The following USP3 variants were observed in gnomAD, a reference collection of about 807,000 sequenced individuals.
USP3 encodes the protein ubiquitin carboxyl-terminal hydrolase 3.
In USP3, 20 loss-of-function variants were observed where a neutral mutation model predicts 72.3. The observed-to-expected ratio is 0.28, with a 90% CI of 0.19 to 0.40. The LOEUF (loss-of-function observed/expected upper bound fraction) is 0.40, where lower values mean the gene tolerates loss of function less well. Ranked by LOEUF, USP3 falls within the 10% of genes least tolerant of loss-of-function variation. The pLI, the probability that USP3 is intolerant of heterozygous loss-of-function variation, is 1.00. For synonymous variants in USP3, 222 were observed against 225.3 expected (o/e 0.99, Z 0.13); for missense variants, 479 against 633.9 (o/e 0.76, Z 2.62).
intron 2 of USP3, 68 bp downstream of exon 2, chr15:63,532,775 A>G (rs1227922523): frequency 6.5e-7 from 1 of 1,529,206 alleles, no homozygotes; most frequent in Admixed American, 1.7e-5. Context: ...GCTTTATGTC[A>G]GAGTTTTATT....
At chr15:63,533,118 G>T (rs567593255) in intron 2 of USP3, among the ~76,000 whole-genome samples, 2 of 148,282 alleles carry the variant, frequency 1.3e-5, no homozygotes, top group Admixed American at 6.6e-5. Flanking sequence ...ATCAACACAT[G>T]GCAATCTTTT....
intron 1 of USP3, among the ~76,000 whole-genome samples, chr15:63,519,976 G>C (rs1446664571): frequency 1.3e-5 from 2 of 152,058 alleles, no homozygotes; most frequent in African/African-American, 4.8e-5. Flanking sequence ...GTCATTCTTT[G>C]AGCCCTTTTT....
Position 63,588,963 on chromosome 15 carries a change from A to G in USP3, c.1349A>G (p.Glu450Gly), listed in dbSNP as rs370216924. The change falls in exon 14 of 15, where the codon GAG becomes GGG. Residue 450 changes from glutamate to glycine, a missense_variant. Coordinates refer to ENST00000380324, the MANE Select transcript of USP3 (RefSeq NM_006537.4). The surrounding 1 kb of genome is among the most constrained non-coding windows in gnomAD (Gnocchi z 4.6). ...YLLEPENSGPESCLYDLAAVV... is the reference protein window; with the variant it reads ...YLLEPENSGPGSCLYDLAAVV... ...CTGTAGCCTGAGAACAGTGGCCCGG[A>G]GAGCTGCCTGTATGACCTCGCCGCT... The G allele has an allele frequency of 1.9e-5, 30 of 1,613,958 alleles. No homozygotes were observed. In the African/African-American group the frequency reaches 3.7e-4, roughly 20 times the overall value.
At chr15:63,535,292 C>A (rs894513076) in intron 2 of USP3, among the ~76,000 whole-genome samples, 2 of 152,188 alleles carry the variant, frequency 1.3e-5, no homozygotes, top group Non-Finnish European at 2.9e-5. Flanking sequence ...GAAATATGTG[C>A]TAAATGTGCC....
In USP3 at chr15:63,594,591, CT is replaced by C. The variant is rs952837762; in HGVS notation, c.*3766del. 2.0e-5 allele frequency: 3 copies of C among 152,220 alleles called. No homozygotes were observed. The highest frequency in any genetic ancestry group is 2.0e-4 in the Admixed American group (3 of 15,286). 9.4% of individuals were successfully genotyped at this position (152,220 alleles called of 1,614,324 possible). A position where few individuals can be genotyped will look rare whatever the true frequency, so the allele number is the denominator to read the frequency against. ...CACATCCCTTTTCTGCTTCACCAAC[CT>C]GAACTGTTTTTAAAAATATCATTAA... On this transcript the variant is annotated 3_prime_UTR_variant, in exon 15 of 15. Coordinates refer to ENST00000380324, the MANE Select transcript of USP3 (RefSeq NM_006537.4).
chr15:63,523,148 G>A (rs2065940347), intron 1 of USP3, among the ~76,000 whole-genome samples: 1 of 152,148 alleles, frequency 6.6e-6, no homozygotes, highest in Non-Finnish European at 1.5e-5. Flanking sequence ...TGAGTATTTG[G>A]TGTTTTGAAT....
In USP3 at chr15:63,570,401, C is replaced by T. The variant is rs201112560; in HGVS notation, c.762-32C>T. 3.1e-6 allele frequency: 5 copies of T among 1,612,546 alleles called. No homozygotes were observed. The highest frequency in any genetic ancestry group is 2.2e-5 in the East Asian group (1 of 44,828). Reference sequence around the variant, plus strand: ...GGCTGGGCACAAAGAGCCCTCCACCCGGCCTTATAAGTGACTGTTTGTTTG... The same window carrying T: ...GGCTGGGCACAAAGAGCCCTCCACCTGGCCTTATAAGTGACTGTTTGTTTG... On this transcript the variant is annotated intron_variant, in intron 8 of 14. Transcript: ENST00000380324. The surrounding 1 kb of genome is among the most constrained non-coding windows in gnomAD (Gnocchi z 4.4).
intron 1 of USP3, among the ~76,000 whole-genome samples, chr15:63,511,266 T>TAAAAAA (rs61283920): frequency 0.054 from 2,325 of 42,836 alleles, 191 homozygotes; most frequent in African/African-American, 0.14. Context: ...TGCTTTTTCT[T>TAAAAAA]AAAAAAAAAA....
At chr15:63,586,209 TTA>T (rs2067058249) in intron 11 of USP3, among the ~76,000 whole-genome samples, 1 of 152,196 alleles carries the variant, frequency 6.6e-6, no homozygotes, top group African/African-American at 2.4e-5. Context: ...ACTTCCAATA[TTA>T]TGTTGAACAG....
intron 3 of USP3, 149 bp downstream of exon 3, chr15:63,537,305 A>G: frequency 4.3e-6 from 4 of 929,680 alleles, no homozygotes; most frequent in Non-Finnish European, 6.0e-6. Flanking sequence ...GCCATTGGGA[A>G]CGCCTATCTT....
chr15:63,537,231 C>G, intron 3 of USP3, 75 bp downstream of exon 3: 1 of 1,500,222 alleles, frequency 6.7e-7, no homozygotes, highest in Non-Finnish European at 8.9e-7. Flanking sequence ...TTCCCTCAGT[C>G]TCTAAGCCAG....
intron 3 of USP3, chr15:63,542,110 TGTG>T: frequency 1.0e-6 from 1 of 985,086 alleles, no homozygotes; most frequent in Non-Finnish European, 1.2e-6. Flanking sequence ...AAGGACATGA[TGTG>T]GAAGTCATGA....
chr15:63,568,395 G>A (rs979977880), intron 8 of USP3, among the ~76,000 whole-genome samples: 55 of 150,452 alleles, frequency 3.7e-4, no homozygotes, highest in African/African-American at 1.2e-3. Flanking sequence ...ATTTGCCTCT[G>A]TTTTCTTTTC....
intron 3 of USP3, among the ~76,000 whole-genome samples, chr15:63,537,746 C>T (rs1437070447): frequency 6.6e-6 from 1 of 152,052 alleles, no homozygotes; most frequent in Non-Finnish European, 1.5e-5. Flanking sequence ...AGTGCAATGG[C>T]GCAATATCGG....
At chr15:63,512,475 C>T (rs550133424) in intron 1 of USP3, among the ~76,000 whole-genome samples, 1 of 150,028 alleles carries the variant, frequency 6.7e-6, no homozygotes, top group Admixed American at 6.7e-5. Flanking sequence ...TCTTCGGAAT[C>T]TCACTCTTTG....
intron 11 of USP3, among the ~76,000 whole-genome samples, chr15:63,579,766 T>C (rs1276713885): frequency 2.0e-5 from 3 of 152,128 alleles, no homozygotes; most frequent in South Asian, 2.1e-4. Flanking sequence ...TTTGGACATA[T>C]ATGAAAAAGG....
chr15:63,584,306 C>T (rs1449863668), intron 11 of USP3, among the ~76,000 whole-genome samples: 1 of 151,950 alleles, frequency 6.6e-6, no homozygotes. Context: ...ACTGTGTTAG[C>T]CATGATGGTC....
At chr15:63,586,625 G>A (rs2067069372) in intron 11 of USP3, 1 of 152,216 alleles carries the variant, frequency 6.6e-6, no homozygotes, top group South Asian at 2.1e-4. Context: ...GACTTGGGAG[G>A]CTCCTGAGAA....
At chr15:63,552,284 G>A (rs1444217943) in intron 3 of USP3, among the ~76,000 whole-genome samples, 3 of 152,146 alleles carry the variant, frequency 2.0e-5, no homozygotes, top group African/African-American at 7.2e-5. Flanking sequence ...AATGCTTAAG[G>A]TTTATAGAGG....
Sources: gnomAD v4.1 joint callset for allele counts (sites outside exome capture counted in the v4.1 genomes callset) on GRCh38, gnomAD v4.1.1 for gene constraint, Gnocchi (gnomAD v3.1) non-coding constraint, MANE v1.5 for transcripts, NCBI Gene and HGNC (gene_info 2026-07-23, HGNC 2026-07-21) for gene names.